PTPRQ: variants seen among roughly 807,000 people sequenced by gnomAD.
The protein encoded by PTPRQ is protein tyrosine phosphatase receptor type Q.
PTPRQ carries 199 observed loss-of-function variants against 246.0 expected under a neutral mutation model. The observed-to-expected ratio is 0.81, with a 90% CI of 0.72 to 0.91. The LOEUF (loss-of-function observed/expected upper bound fraction) is 0.91. PTPRQ is among the 40% of genes least tolerant of loss of function. The pLI is 0.00. For synonymous variants in PTPRQ, 869 were observed against 853.2 expected, an observed-to-expected ratio of 1.02 and a Z score of -0.32; for missense variants, 2,624 against 2,528.4, an observed-to-expected ratio of 1.04 and a Z score of -0.81.
intron 16 of PTPRQ, among the ~76,000 whole-genome samples, chr12:80,509,965 A>G (rs549379679): frequency 1.3e-5 from 2 of 151,814 alleles, no homozygotes; most frequent in Admixed American, 6.6e-5. Context: ...TTGTCTAGGG[A>G]TCTCTTTTAC....
chr12:80,504,591 C>T (rs114170444), intron 14 of PTPRQ, among the ~76,000 whole-genome samples: 1,811 of 151,760 alleles, frequency 0.012, 40 homozygotes, highest in African/African-American at 0.042. Context: ...TCAGTGAGCT[C>T]ATATTCTTTG....
rs75755827 is a variant in PTPRQ, at chr12:80,501,903, A to G, written c.2273-4121A>G. Among the ~76,000 whole-genome samples, 905 of 151,636 alleles carry G rather than the reference A, an allele frequency of 6.0e-3. 14 individuals are homozygous for G. The highest frequency in any genetic ancestry group is 0.02 in the African/African-American group (839 of 41,270). Reference sequence around the variant, plus strand: ...AGGAGTAGATTTTACAGAAAAAATAATGGAGAAAAATGAAGTCAGATTAAC... The same window carrying G: ...AGGAGTAGATTTTACAGAAAAAATAGTGGAGAAAAATGAAGTCAGATTAAC... On this transcript the variant is annotated intron_variant, in intron 14 of 44. Transcript: ENST00000644991.
chr12:80,668,407 C>T (rs1283340897), intron 39 of PTPRQ, among the ~76,000 whole-genome samples: 1 of 151,804 alleles, frequency 6.6e-6, no homozygotes, highest in African/African-American at 2.4e-5. Flanking sequence ...GTCAGAACTC[C>T]AGACAGTAAA....
At position 80,484,612 on chromosome 12, in the gene PTPRQ, C is replaced by T; in HGVS notation, c.1359+7C>T. The T allele has an allele frequency of 2.6e-6, 4 of 1,548,636 alleles. No individual in the cohort carries two copies. Among genetic ancestry groups the T allele is most frequent in the Non-Finnish European group, 3.5e-6 (4 of 1,146,292 alleles). The stretch of plus-strand genomic sequence containing the variant: ...GCTCACTGGAAATAATGAGGTATTG[C>T]ATTTTTATTTCACTTATTGGTGAAC... On this transcript the variant is annotated splice_region_variant and intron_variant, in intron 9 of 44. Coordinates refer to ENST00000644991, the MANE Select transcript of PTPRQ (RefSeq NM_001145026.2).
intron 28 of PTPRQ, among the ~76,000 whole-genome samples, chr12:80,611,270 T>C (rs1898540298): frequency 6.6e-6 from 1 of 150,504 alleles, no homozygotes; most frequent in South Asian, 2.1e-4. Context: ...CCATCCTCCT[T>C]CAGACTCCTG....
At chr12:80,491,146 T>C (rs930890369) in intron 9 of PTPRQ, among the ~76,000 whole-genome samples, 1 of 151,954 alleles carries the variant, frequency 6.6e-6, no homozygotes, top group Non-Finnish European at 1.5e-5. Context: ...ACATATGTAA[T>C]TGATGGGATG....
intron 9 of PTPRQ, among the ~76,000 whole-genome samples, chr12:80,486,127 A>G (rs1487121724): frequency 6.6e-6 from 1 of 152,164 alleles, no homozygotes; most frequent in Non-Finnish European, 1.5e-5. Flanking sequence ...GATAGTGATT[A>G]TAAGTCCCTA....
chr12:80,564,150 G>A (rs970785394), intron 25 of PTPRQ, among the ~76,000 whole-genome samples: 7 of 152,072 alleles, frequency 4.6e-5, no homozygotes, highest in Admixed American at 1.3e-4. Context: ...GTGCAGGTTA[G>A]TTACATATGT....
chr12:80,479,856 C>A, intron 8 of PTPRQ, among the ~76,000 whole-genome samples: 1 of 152,052 alleles, frequency 6.6e-6, no homozygotes, highest in East Asian at 1.9e-4. Flanking sequence ...AATACAGGAG[C>A]ACCCAGATTC....
intron 6 of PTPRQ, among the ~76,000 whole-genome samples, chr12:80,467,225 A>T (rs1893456084): frequency 1.3e-5 from 2 of 152,166 alleles, no homozygotes; most frequent in South Asian, 4.1e-4. Context: ...TCAAAAGAAG[A>T]CATTTATGCA....
At chr12:80,509,403 C>T (rs1167096327) in intron 16 of PTPRQ, among the ~76,000 whole-genome samples, 1 of 152,044 alleles carries the variant, frequency 6.6e-6, no homozygotes, top group African/African-American at 2.4e-5. Context: ...AACTGTATTT[C>T]AATTGACATT....
intron 31 of PTPRQ, 122 bp downstream of exon 31, chr12:80,619,664 T>G: frequency 1.6e-6 from 1 of 644,746 alleles, no homozygotes; most frequent in Non-Finnish European, 2.2e-6. Flanking sequence ...GATTAATAGA[T>G]TGTCAATATT....
At chr12:80,525,598 GT>G (rs1295823631) in intron 17 of PTPRQ, among the ~76,000 whole-genome samples, 1 of 140,360 alleles carries the variant, frequency 7.1e-6, no homozygotes, top group Admixed American at 7.2e-5. Context: ...TGGGTACATG[GT>G]TTAAATAAAA....
chr12:80,479,468 C>A (rs1258976458), intron 8 of PTPRQ, among the ~76,000 whole-genome samples: 1 of 150,570 alleles, frequency 6.6e-6, no homozygotes, highest in Admixed American at 6.6e-5. Context: ...ACTGCATCAA[C>A]TAATGAGCAA....
chr12:80,617,759 T>C (rs1898818848), intron 30 of PTPRQ, among the ~76,000 whole-genome samples: 2 of 151,494 alleles, frequency 1.3e-5, no homozygotes, highest in Admixed American at 1.3e-4. Flanking sequence ...ATACACATTA[T>C]TTTATTAATG....
intron 7 of PTPRQ, among the ~76,000 whole-genome samples, chr12:80,469,825 G>A (rs555465324): frequency 6.6e-6 from 1 of 152,334 alleles, no homozygotes; most frequent in South Asian, 2.1e-4. Flanking sequence ...ATACTTGGCT[G>A]AAGTACTCTT....
At position 80,539,849 on chromosome 12, in the gene PTPRQ, T is replaced by C. The variant is rs766563968; in HGVS notation, c.3059T>C (p.Ile1020Thr). ...TCCACAATTATAGATAAACTGACAA[T>C]ATTCAGCTACTATACATTTTGGTTA... ...TVSTIIDKLT[I>T]FSYYTFWLTA... Residue 1020 changes from isoleucine to threonine, a missense_variant, in exon 20 of 45, where the codon ATA (isoleucine) becomes ACA (threonine). By Grantham distance (89) the Ile-to-Thr change is moderately conservative. Transcript: ENST00000644991. 1.9e-5 allele frequency: 30 copies of C among 1,549,252 alleles called. No individual in the cohort carries two copies. In the South Asian group the frequency reaches 3.5e-4, roughly 18 times the overall value.
intron 25 of PTPRQ, among the ~76,000 whole-genome samples, chr12:80,580,384 G>C (rs1293091278): frequency 6.6e-6 from 1 of 152,156 alleles, no homozygotes; most frequent in African/African-American, 2.4e-5. Context: ...AGGAAGCATG[G>C]AATGATGTGT....
At position 80,669,048 on chromosome 12, in the gene PTPRQ, A is replaced by G. The variant is rs566965693; in HGVS notation, c.6234A>G (p.Pro2078=). The part of the protein sequence containing the change: ...CPNEFIATQG[P]LPGTVGDFWR... The stretch of plus-strand genomic sequence containing the variant: ...ATGAATTTATTGCTACTCAAGGTCC[A>G]CTACCAGGAACAGTTGGAGATTTTT... The change falls in exon 40 of 45, where the codon CCA becomes CCG. Residue 2078 remains proline (P), a synonymous_variant. Transcript: ENST00000644991. 6 of 1,550,496 alleles carry G rather than the reference A, an allele frequency of 3.9e-6. No homozygotes were observed. The African/African-American group carries it at 6.8e-5, about 18-fold the overall frequency.
Sources: gnomAD v4.1 joint callset for allele counts (sites outside exome capture counted in the v4.1 genomes callset) on GRCh38, gnomAD v4.1.1 for gene constraint, MANE v1.5 for transcripts, NCBI Gene and HGNC (gene_info 2026-07-23, HGNC 2026-07-21) for gene names.